FAM83B: variants seen among roughly 807,000 people sequenced by gnomAD.
FAM83B encodes scaffolding CK1 anchoring protein B.
A neutral mutation model predicts 38.8 loss-of-function variants in FAM83B; 26 were observed. That is an observed-to-expected ratio of 0.67 (90% CI 0.49 to 0.93). The LOEUF (loss-of-function observed/expected upper bound fraction) is 0.93. Ranked by LOEUF, FAM83B falls within the 40% of genes least tolerant of loss-of-function variation. The pLI, the probability that FAM83B is intolerant of heterozygous loss-of-function variation, is 0.00. For synonymous variants in FAM83B, 419 were observed against 423.1 expected, an observed-to-expected ratio of 0.99 and a Z score of 0.12; for missense variants, 1,237 against 1,197.3, an observed-to-expected ratio of 1.03 and a Z score of -0.49.
At position 54,943,002 on chromosome 6, in the gene FAM83B, A is replaced by C. The variant is rs1036130875; in HGVS notation, c.*995A>C. On this transcript the variant is annotated 3_prime_UTR_variant, in exon 5 of 5. Transcript: ENST00000306858. ...ACTGCAACCTCTGCCTCCCAAGTTC[A>C]AACGATTCTCCTGCCTCAGCCTCCT... Among the ~76,000 whole-genome samples the C allele has an allele frequency of 3.3e-5, 5 of 151,628 alleles. No individual in the cohort carries two copies. Among genetic ancestry groups the C allele is most frequent in the Non-Finnish European group, 7.4e-5 (5 of 67,930 alleles).
intron 1 of FAM83B, among the ~76,000 whole-genome samples, chr6:54,861,454 A>G (rs1771580541): frequency 6.6e-6 from 1 of 152,228 alleles, no homozygotes; most frequent in African/African-American, 2.4e-5. Context: ...CTACTCAGGA[A>G]GTTGAGGTGG....
Position 54,941,115 on chromosome 6 carries a change from A to G in FAM83B, c.2144A>G (p.His715Arg), listed in dbSNP as rs767514130. Reference protein sequence around the residue: ...KSSKSMHNVTHNLEEDEEEVT... With the variant: ...KSSKSMHNVTRNLEEDEEEVT... ...TCTAAAAGCATGCACAATGTGACTCATAACTTGGAGGAGGATGAGGAGGAA... is the reference window on the plus strand; with the variant it reads ...TCTAAAAGCATGCACAATGTGACTCGTAACTTGGAGGAGGATGAGGAGGAA... The change falls in exon 5 of 5, where the codon CAT becomes CGT. Residue 715 changes from histidine (H) to arginine (R), a missense_variant. His to Arg is a conservative substitution (Grantham distance 29, BLOSUM62 0). Transcript: ENST00000306858. The G allele has an allele frequency of 6.2e-7, 1 of 1,613,810 alleles. No homozygotes were observed. Among genetic ancestry groups the G allele is most frequent in the East Asian group, 2.2e-5 (1 of 44,852 alleles).
chr6:54,902,664 G>GGCTCCCCTTATTTTGTGTAAAATAAGGGA (rs1333667801), intron 2 of FAM83B, among the ~76,000 whole-genome samples: 2,220 of 152,120 alleles, frequency 0.015, 52 homozygotes, highest in African/African-American at 0.05. Flanking sequence ...TAGAATTCCA[G>GGCTCCCCTTATTTTGTGTAAAATAAGGGA]GCAATAGCTC....
intron 2 of FAM83B, among the ~76,000 whole-genome samples, chr6:54,917,789 A>G (rs949044085): frequency 6.6e-6 from 1 of 152,172 alleles, no homozygotes; most frequent in Non-Finnish European, 1.5e-5. Context: ...AAGGTTTATT[A>G]CTTTTAATGC....
At chr6:54,858,879 T>G (rs572696426) in intron 1 of FAM83B, among the ~76,000 whole-genome samples, 1 of 152,304 alleles carries the variant, frequency 6.6e-6, no homozygotes, top group East Asian at 1.9e-4. Context: ...GATCTATCCA[T>G]TTACCTAATC....
At chr6:54,852,659 C>A (rs1218992100) in intron 1 of FAM83B, among the ~76,000 whole-genome samples, 1 of 152,194 alleles carries the variant, frequency 6.6e-6, no homozygotes, top group Admixed American at 6.5e-5. Context: ...ATGTTGAAAG[C>A]TGAGATAGGC....
chr6:54,846,699 G>T (rs556947405), upstream of FAM83B: 1 of 152,368 alleles, frequency 6.6e-6, no homozygotes, highest in South Asian at 2.1e-4. Context: ...TCCCTCCGCG[G>T]ACCTGACGCT....
At chr6:54,861,561 A>G (rs759924805) in intron 1 of FAM83B, among the ~76,000 whole-genome samples, 1 of 152,204 alleles carries the variant, frequency 6.6e-6, no homozygotes, top group Admixed American at 6.5e-5. Context: ...AACAAACAAA[A>G]AAGAAGTGGT....
Position 54,927,535 on chromosome 6 carries a change from CA to C in FAM83B, c.639del (p.Asp214IlefsTer20). On this transcript the variant is annotated frameshift_variant, in exon 4 of 5. Transcript: ENST00000306858. LOFTEE classifies it high-confidence loss of function. ...TATTCGAGTGCGAACAGTAAAAGGCCAAGATTATCTTTCAAAAACAGGGGCA... is the reference window on the plus strand; with the variant it reads ...TATTCGAGTGCGAACAGTAAAAGGCCAGATTATCTTTCAAAAACAGGGGCA... ...RNIRVRTVKG[Q>X]DYLSKTGAKF... 6.2e-7 allele frequency: 1 copy of C among 1,605,920 alleles called. No individual in the cohort carries two copies. The highest frequency in any genetic ancestry group is 1.1e-5 in the South Asian group (1 of 90,006).
At chr6:54,911,581 A>G (rs1454764763) in intron 2 of FAM83B, among the ~76,000 whole-genome samples, 1 of 152,046 alleles carries the variant, frequency 6.6e-6, no homozygotes, top group Non-Finnish European at 1.5e-5. Context: ...TTCTTAGCAT[A>G]TGGCTTTTTT....
At chr6:54,917,191 G>A (rs1042179145) in intron 2 of FAM83B, among the ~76,000 whole-genome samples, 3 of 152,130 alleles carry the variant, frequency 2.0e-5, no homozygotes, top group African/African-American at 7.2e-5. Context: ...TGTAGACACT[G>A]CATCCCAACA....
At chr6:54,889,712 T>C (rs925779478) in intron 2 of FAM83B, among the ~76,000 whole-genome samples, 2 of 152,258 alleles carry the variant, frequency 1.3e-5, no homozygotes, top group Non-Finnish European at 2.9e-5. Flanking sequence ...AACAGAATCA[T>C]GGACAGAGTG....
chr6:54,870,959 G>T (rs1771839406), intron 2 of FAM83B, among the ~76,000 whole-genome samples: 2 of 152,038 alleles, frequency 1.3e-5, no homozygotes, highest in Admixed American at 6.6e-5. Flanking sequence ...AGAAGACTGA[G>T]GTATGTTGAC....
chr6:54,940,497 C>T lies in FAM83B; in HGVS notation c.1526C>T (p.Pro509Leu), dbSNP rs368876321. 1.9e-4 allele frequency: 302 copies of T among 1,613,934 alleles called. No homozygotes were observed. Among genetic ancestry groups the T allele is most frequent in the East Asian group, 3.1e-4 (14 of 44,886 alleles). ...TTAAATGATCATTCAGAAGCTACAC[C>T]GGACTCAAATGGATCAGCTTTAGGT... The part of the protein sequence containing the change: ...SYLNDHSEAT[P>L]DSNGSALGDR... The change falls in exon 5 of 5, where the codon CCG (proline) becomes CTG (leucine). Residue 509 changes from proline to leucine, a missense_variant. Pro to Leu is a moderately conservative substitution (Grantham distance 98, BLOSUM62 -3). Coordinates refer to ENST00000306858, the MANE Select transcript of FAM83B (RefSeq NM_001010872.3).
In FAM83B at chr6:54,942,206, A is replaced by G. The variant is rs919838111; in HGVS notation, c.*199A>G. 8.5e-5 allele frequency among the ~76,000 whole-genome samples: 13 copies of G among 152,202 alleles called. No individual in the cohort carries two copies. The highest frequency in any genetic ancestry group is 2.7e-4 in the African/African-American group (11 of 41,444). On this transcript the variant is annotated 3_prime_UTR_variant, in exon 5 of 5. Coordinates refer to ENST00000306858, the MANE Select transcript of FAM83B (RefSeq NM_001010872.3). ...GTAGATAGAATTTCTCTGTAAACAC[A>G]TTATTTGTAAGTGGTAATGGTAAAA...
chr6:54,863,105 A>T (rs2127573605), intron 1 of FAM83B, among the ~76,000 whole-genome samples: 1 of 152,224 alleles, frequency 6.6e-6, no homozygotes, highest in East Asian at 1.9e-4. Context: ...GAGCGGGCAA[A>T]ACAAATACTA....
chr6:54,847,725 A>G (rs1371898619), intron 1 of FAM83B, among the ~76,000 whole-genome samples: 2 of 152,270 alleles, frequency 1.3e-5, no homozygotes, highest in East Asian at 3.9e-4. Flanking sequence ...CTTTCTTTAT[A>G]GGAGGAGGCT....
intron 1 of FAM83B, among the ~76,000 whole-genome samples, chr6:54,866,630 C>T (rs951159492): frequency 7.9e-5 from 12 of 152,054 alleles, no homozygotes; most frequent in Non-Finnish European, 5.9e-5. Flanking sequence ...ATTTTACTGC[C>T]AAGTAGTATT....
chr6:54,903,333 T>C (rs953752762), intron 2 of FAM83B, among the ~76,000 whole-genome samples: 1 of 152,202 alleles, frequency 6.6e-6, no homozygotes, highest in East Asian at 1.9e-4. Flanking sequence ...TGGACCGGCA[T>C]GGCAAAAGAG....
Sources: gnomAD v4.1 joint callset for allele counts (sites outside exome capture counted in the v4.1 genomes callset) on GRCh38, gnomAD v4.1.1 for gene constraint, MANE v1.5 for transcripts, NCBI Gene and HGNC (gene_info 2026-07-23, HGNC 2026-07-21) for gene names.